Variants in POC1B observed in about 807,000 individuals in gnomAD.
POC1B encodes POC1 centriolar protein homolog B.
Under a neutral mutation model 60.6 loss-of-function variants are expected in POC1B, and 44 were observed. That is an observed-to-expected ratio of 0.73 (90% CI 0.57 to 0.93). POC1B has a LOEUF of 0.93. POC1B is among the 40% of genes least tolerant of loss of function. POC1B has a pLI of 0.00. For synonymous variants in POC1B, 180 were observed against 198.9 expected, an observed-to-expected ratio of 0.90 and a Z score of 0.80; for missense variants, 555 against 572.3, an observed-to-expected ratio of 0.97 and a Z score of 0.31.
intron 10 of POC1B, among the ~76,000 whole-genome samples, chr12:89,450,172 A>G (rs566095046): frequency 6.6e-6 from 1 of 152,200 alleles, no homozygotes; most frequent in Non-Finnish European, 1.5e-5. Flanking sequence ...AGAAAAAAGG[A>G]AAACATATTT....
At chr12:89,417,292 C>G (rs1259042079), downstream of POC1B, among the ~76,000 whole-genome samples, 4 of 152,178 alleles carry the variant, frequency 2.6e-5, no homozygotes, top group African/African-American at 9.7e-5. Flanking sequence ...GTGGTCATAT[C>G]CTAGGAAGAC....
chr12:89,487,623 T>C (rs893578546), intron 4 of POC1B, among the ~76,000 whole-genome samples: 1 of 152,152 alleles, frequency 6.6e-6, no homozygotes, highest in African/African-American at 2.4e-5. Context: ...CATATGAATA[T>C]TGGATAGTTT....
At chr12:89,476,477 G>A (rs1883109428) in intron 4 of POC1B, among the ~76,000 whole-genome samples, 1 of 152,200 alleles carries the variant, frequency 6.6e-6, no homozygotes, top group East Asian at 1.9e-4. Context: ...GGGAGGCTGA[G>A]GCAGGCAGAT....
chr12:89,439,358 G>A (rs752575734), intron 10 of POC1B, among the ~76,000 whole-genome samples: 2 of 151,892 alleles, frequency 1.3e-5, no homozygotes, highest in Non-Finnish European at 2.9e-5. Flanking sequence ...GTATATATTC[G>A]TCCTCTGCCT....
the POC1B span, among the ~76,000 whole-genome samples, chr12:89,412,807 G>GTTCCTTCCTTCCTTCCTTCC: frequency 9.6e-4 from 123 of 127,562 alleles, 2 homozygotes; most frequent in African/African-American, 3.6e-3. Flanking sequence ...AGAAACACAT[G>GTTCCTTCCTTCCTTCCTTCC]TTCCTTCCTT....
chr12:89,519,683 C>G (rs1266772708), intron 2 of POC1B: 3 of 152,502 alleles, frequency 2.0e-5, no homozygotes. Context: ...TGTCTTCATC[C>G]TAGAAAAGTT....
chr12:89,406,867 C>T, the POC1B span, among the ~76,000 whole-genome samples: 35 of 151,876 alleles, frequency 2.3e-4, no homozygotes, highest in African/African-American at 6.3e-4. Flanking sequence ...AAATCTAGGC[C>T]GGGCACAGTG....
At chr12:89,440,116 G>T (rs1260421372) in intron 10 of POC1B, among the ~76,000 whole-genome samples, 3 of 152,148 alleles carry the variant, frequency 2.0e-5, no homozygotes, top group East Asian at 3.9e-4. Context: ...AATGAACAAT[G>T]TCCATTGAAC....
chr12:89,501,083 T>C lies in POC1B; in HGVS notation c.101-3741A>G, dbSNP rs1057497037. On this transcript the variant is annotated intron_variant, in intron 2 of 11. Transcript: ENST00000313546. ...ACTATACCAAGAAAGGCGGGGCCTC[T>C]GAAACAACGCACCATATCCCCGGCT... is the stretch of plus-strand genomic sequence containing the variant. 7.7e-6 allele frequency: 9 copies of C among 1,173,782 alleles called. No homozygotes were observed. The African/African-American group carries it at 1.2e-4, about 16-fold the overall frequency. 72.7% of individuals were successfully genotyped at this position (1,173,782 alleles called of 1,614,324 possible).
intron 2 of POC1B, 188 bp downstream of exon 2, chr12:89,524,932 G>A (rs1871297393): frequency 2.2e-6 from 2 of 928,424 alleles, no homozygotes; most frequent in Non-Finnish European, 3.2e-6. Context: ...CGGGCCGGGG[G>A]CTGGGGGCCG....
chr12:89,457,119 A>G (rs1291715900), intron 10 of POC1B, among the ~76,000 whole-genome samples: 2 of 152,202 alleles, frequency 1.3e-5, no homozygotes, highest in Non-Finnish European at 2.9e-5. Context: ...GGCTTCCAGT[A>G]TTTCTCCAGG....
intron 10 of POC1B, among the ~76,000 whole-genome samples, chr12:89,454,321 T>G (rs934763129): frequency 2.0e-5 from 3 of 152,122 alleles, no homozygotes; most frequent in African/African-American, 7.2e-5. Flanking sequence ...ACACCCAGAA[T>G]CCGATCGCTT....
chr12:89,522,783 G>A, intron 2 of POC1B: 6 of 1,535,492 alleles, frequency 3.9e-6, no homozygotes, highest in South Asian at 1.3e-5. Flanking sequence ...TGACACTACT[G>A]TCAGCTCATG....
intron 11 of POC1B, among the ~76,000 whole-genome samples, chr12:89,421,766 T>A (rs1565890168): frequency 6.6e-6 from 1 of 152,090 alleles, no homozygotes; most frequent in Non-Finnish European, 1.5e-5. Context: ...CGCCTCCAGT[T>A]CCCTCACACA....
intron 4 of POC1B, among the ~76,000 whole-genome samples, chr12:89,491,617 C>A (rs539796817): frequency 7.3e-6 from 1 of 137,512 alleles, no homozygotes; most frequent in Non-Finnish European, 1.5e-5. Flanking sequence ...AGAGTGAGAC[C>A]GTGTCTCAAA....
chr12:89,422,214 C>T (rs1454419883), intron 11 of POC1B, among the ~76,000 whole-genome samples: 1 of 152,148 alleles, frequency 6.6e-6, no homozygotes, highest in African/African-American at 2.4e-5. Flanking sequence ...GTGCCTACCA[C>T]GACTTCCTTG....
intron 11 of POC1B, 132 bp downstream of exon 11, chr12:89,425,029 T>G: frequency 3.6e-6 from 3 of 838,322 alleles, no homozygotes; most frequent in Non-Finnish European, 5.6e-6. Context: ...TTTAGGGCAT[T>G]GCCACCTTGA....
At chr12:89,464,201 T>C (rs889392702) in intron 9 of POC1B, among the ~76,000 whole-genome samples, 4 of 152,210 alleles carry the variant, frequency 2.6e-5, no homozygotes. Flanking sequence ...AGTAACTGCA[T>C]GTAAATTTGC....
intron 10 of POC1B, among the ~76,000 whole-genome samples, chr12:89,448,952 C>T (rs183093238): frequency 2.0e-5 from 3 of 152,178 alleles, no homozygotes; most frequent in Admixed American, 2.0e-4. Flanking sequence ...TCCACCTGCT[C>T]CCAAACTGGA....
Sources: allele counts gnomAD v4.1 joint callset (sites outside exome capture counted in the v4.1 genomes callset), GRCh38; gene constraint gnomAD v4.1.1; transcripts MANE v1.5; gene names NCBI Gene and HGNC (gene_info 2026-07-23, HGNC 2026-07-21).